Variants in ELN observed in about 807,000 individuals in gnomAD.
The protein encoded by ELN is tropoelastin.
Under a neutral mutation model 105.8 loss-of-function variants are expected in ELN, and 65 were observed. The ratio of observed to expected loss-of-function variants is 0.61; its 90% CI spans 0.50 to 0.75. ELN has a LOEUF of 0.75. Ranked by LOEUF, ELN falls within the 30% of genes least tolerant of loss-of-function variation. ELN has a pLI of 0.00. For missense variants in ELN, 882 were observed against 969.4 expected (o/e 0.91, Z 1.20); for synonymous variants, 368 against 389.2 (o/e 0.95, Z 0.64).
Position 74,060,453 on chromosome 7 carries a change from G to T in ELN, c.1699G>T (p.Gly567Cys). The change falls in exon 25 of 33, where the codon GGT becomes TGT. Residue 567 changes from glycine to cysteine, a missense_variant. Gly to Cys is a radical substitution (Grantham distance 159, BLOSUM62 -3). Coordinates refer to ENST00000252034, the MANE Select transcript of ELN (RefSeq NM_000501.4). ...VGVPGLGVGA[G>C]VPGLGVGAGV... ...CGTCCCTGGACTTGGAGTTGGTGCT[G>T]GTGTTCCTGGACTTGGAGTTGGTGC... The T allele has an allele frequency of 6.2e-7, 1 of 1,613,784 alleles. No individual in the cohort carries two copies. Among genetic ancestry groups the T allele is most frequent in the Non-Finnish European group, 8.5e-7 (1 of 1,179,968 alleles).
chr7:74,030,228 C>T (rs1416725219), intron 1 of ELN, among the ~76,000 whole-genome samples: 3 of 152,198 alleles, frequency 2.0e-5, no homozygotes, highest in South Asian at 2.1e-4. Flanking sequence ...GGGAGTGGAG[C>T]GCTCAGTCAC....
rs1238838663 is a variant in ELN at position 74,046,062 on chromosome 7, T to G, written c.542-126T>G. 185 of 1,322,554 alleles carry G rather than the reference T, an allele frequency of 1.4e-4. 1 individual carries two copies. In the South Asian group the frequency reaches 1.9e-3, roughly 14 times the overall value. The allele number at this position is 1,322,554 out of a possible 1,614,324, so 81.9% of individuals were successfully genotyped here. On this transcript the variant is annotated intron_variant, in intron 10 of 32. Transcript: ENST00000252034. ...GAAAAAAGAAACCCCAGAGTTCATGTGAGCGCAGCATGCGATGACTGGTCT... is the reference window on the plus strand; with the variant it reads ...GAAAAAAGAAACCCCAGAGTTCATGGGAGCGCAGCATGCGATGACTGGTCT...
At chr7:74,066,623 G>A (rs1373044000) in intron 31 of ELN, 109 bp from the exon 32 acceptor site, 72 of 940,698 alleles carry the variant, frequency 7.7e-5, no homozygotes, top group Non-Finnish European at 1.2e-4. Flanking sequence ...GGATGGAGAG[G>A]AGGTGATCCC....
At position 74,042,630 on chromosome 7, in the gene ELN, C is replaced by G. The variant is rs565001805; in HGVS notation, c.249C>G (p.Pro83=). 1.2e-6 allele frequency: 2 copies of G among 1,613,436 alleles called. No homozygotes were observed. The highest frequency in any genetic ancestry group is 3.3e-5 in the Admixed American group (2 of 60,006). Residue 83 remains proline (P), a synonymous_variant, in exon 6 of 33, where the codon CCC becomes CCG. Coordinates refer to ENST00000252034, the MANE Select transcript of ELN (RefSeq NM_000501.4). ...CCTCCGCAGGGCTCGGCGCCTTCCCCGCAGTTACCTTTCCGGGGGCTCTGG... is the reference window on the plus strand; with the variant it reads ...CCTCCGCAGGGCTCGGCGCCTTCCCGGCAGTTACCTTTCCGGGGGCTCTGG... The part of the protein sequence containing the change: ...AGLGAGLGAF[P]AVTFPGALVP...
chr7:74,043,186 G>A lies in ELN; in HGVS notation c.427+18G>A. ...AGTGCCGGGTCAGTGCGGAATCCCT[G>A]GGGCTGGAGGACAGAGGGCAGGGAG... On this transcript the variant is annotated intron_variant, in intron 8 of 32. Coordinates refer to ENST00000252034, the MANE Select transcript of ELN (RefSeq NM_000501.4). The A allele has an allele frequency of 1.9e-6, 3 of 1,576,368 alleles. No individual in the cohort carries two copies. Among genetic ancestry groups the A allele is most frequent in the Non-Finnish European group, 2.6e-6 (3 of 1,160,742 alleles).
chr7:74,065,665 C>T (rs370615403), intron 29 of ELN, 29 bp from the exon 30 acceptor site: 58 of 1,613,166 alleles, frequency 3.6e-5, no homozygotes, highest in Non-Finnish European at 4.7e-5. Flanking sequence ...ATTGGCATTC[C>T]TGAGCCGTCA....
In ELN at chr7:74,052,836, GGAGA is replaced by G. The variant is rs1210543269; in HGVS notation, c.950-317_950-314del. On this transcript the variant is annotated intron_variant, in intron 17 of 32. Transcript: ENST00000252034. ...AAGGAAAAAGAAAAGAGGGAGGGAG[GGAGA>G]GAGAGAGAGGGAGGGAGAGAGAAAG... 172 of 329,408 alleles carry G rather than the reference GGAGA, an allele frequency of 5.2e-4. 1 individual carries two copies. Among genetic ancestry groups the G allele is most frequent in the South Asian group, 4.1e-3 (118 of 28,460 alleles). 20.4% of individuals were successfully genotyped at this position (329,408 alleles called of 1,614,324 possible).
chr7:74,053,529 G>T (rs553851986), intron 18 of ELN, among the ~76,000 whole-genome samples: 2 of 152,176 alleles, frequency 1.3e-5, no homozygotes, highest in Non-Finnish European at 2.9e-5. Context: ...TTGACCTTCT[G>T]GCTATCAGTG....
chr7:74,030,854 G>A (rs1184057271), intron 1 of ELN, among the ~76,000 whole-genome samples: 8 of 152,066 alleles, frequency 5.3e-5, no homozygotes, highest in South Asian at 2.1e-4. Flanking sequence ...CGGTGGGGTC[G>A]CCAGGGCCAA....
chr7:74,042,055 T>C (rs1774027392), intron 5 of ELN, among the ~76,000 whole-genome samples: 1 of 144,994 alleles, frequency 6.9e-6, no homozygotes, highest in Non-Finnish European at 1.5e-5. Flanking sequence ...ACCCCATCTC[T>C]AAAGGGAAAA....
At position 74,063,175 on chromosome 7, in the gene ELN, T is replaced by G; in HGVS notation, c.1809T>G (p.Leu603=). The G allele has an allele frequency of 6.2e-7, 1 of 1,608,766 alleles. No homozygotes were observed. Among genetic ancestry groups the G allele is most frequent in the Non-Finnish European group, 8.5e-7 (1 of 1,178,634 alleles). Residue 603 remains leucine (L), a synonymous_variant, in exon 27 of 33, where the codon CTT becomes CTG. Transcript: ENST00000252034. This position sits in a 1 kb window ranked among gnomAD's most constrained non-coding sequence, Gnocchi z 4.1. ...CAGGAGCAGCAGTGCCTGGGGTCCT[T>G]GGAGGGCTCGGGGCTCTCGGTGGAG... is the stretch of plus-strand genomic sequence containing the variant. ...AKYGAAVPGV[L]GGLGALGGVG... is the part of the protein sequence containing the mutation.
At chr7:74,053,343 TG>T in intron 18 of ELN, 34 bp downstream of exon 18, 1 of 1,603,360 alleles carries the variant, frequency 6.2e-7, no homozygotes. Flanking sequence ...TGTGTGTGTG[TG>T]TGTGTGTGTG....
chr7:74,035,261 T>C, intron 1 of ELN, 103 bp from the exon 2 acceptor site: 1 of 1,081,802 alleles, frequency 9.2e-7, no homozygotes, highest in Non-Finnish European at 1.4e-6. Context: ...TCCATGTAAT[T>C]GTGGGTTTTG....
At position 74,069,134 on chromosome 7, in the gene ELN, C is replaced by G. The variant is rs1798590406; in HGVS notation, c.*434C>G. The G allele has an allele frequency of 3.3e-6, 1 of 303,220 alleles. No homozygotes were observed. Among genetic ancestry groups the G allele is most frequent in the Non-Finnish European group, 6.3e-6 (1 of 158,852 alleles). The allele number at this position is 303,220 out of a possible 1,614,324, so 18.8% of individuals were successfully genotyped here. A position where few individuals can be genotyped will look rare whatever the true frequency, so the allele number is the denominator to read the frequency against. On this transcript the variant is annotated 3_prime_UTR_variant, in exon 33 of 33. Coordinates refer to ENST00000252034, the MANE Select transcript of ELN (RefSeq NM_000501.4). Reference sequence around the variant, plus strand: ...GGCAGTCCCAGCTCCCCCTGCCCACCAGGACCCACCGTTGGCTGCCATCCA... The same window carrying G: ...GGCAGTCCCAGCTCCCCCTGCCCACGAGGACCCACCGTTGGCTGCCATCCA...
intron 15 of ELN, among the ~76,000 whole-genome samples, chr7:74,049,264 A>C (rs1793325676): frequency 1.3e-5 from 2 of 150,136 alleles, no homozygotes; most frequent in South Asian, 2.1e-4. Context: ...CCATCCATCC[A>C]TCCACTTATC....
intron 32 of ELN, among the ~76,000 whole-genome samples, chr7:74,068,271 T>C (rs1798416144): frequency 6.6e-6 from 1 of 152,180 alleles, no homozygotes; most frequent in African/African-American, 2.4e-5. Context: ...CCCCACTCCC[T>C]GAGAGGGCCG....
At position 74,035,408 on chromosome 7, in the gene ELN, T is replaced by C. The variant is rs781876912; in HGVS notation, c.127T>C (p.Tyr43His). ...TGGTGGAGTTCCTGGAGGAGTCTTT[T>C]ATCCAGGTAACGTACATGAAACTTC... ...IPGGVPGGVF[Y>H]PGAGLGALGG... is the part of the protein sequence containing the mutation. Residue 43 changes from tyrosine to histidine, a missense_variant, in exon 2 of 33, where the codon TAT becomes CAT. Physicochemically the swap from Tyr to His is moderately conservative, Grantham distance 83. Transcript: ENST00000252034. 2.8e-5 allele frequency: 46 copies of C among 1,614,174 alleles called. 1 individual carries two copies. The South Asian group carries it at 4.9e-4, about 17-fold the overall frequency.
intron 25 of ELN, 116 bp from the exon 26 acceptor site, chr7:74,060,985 C>G: frequency 7.9e-7 from 1 of 1,262,120 alleles, no homozygotes; most frequent in South Asian, 1.2e-5. Flanking sequence ...AGCTTCAGGG[C>G]TTTGAGGAAG....
At chr7:74,056,582 T>C in intron 20 of ELN, 90 bp from the exon 21 acceptor site, 1 of 1,607,674 alleles carries the variant, frequency 6.2e-7, no homozygotes, top group Non-Finnish European at 8.5e-7. Context: ...GTCGTATCCA[T>C]GCCTTACAGG....
Sources: gnomAD v4.1 joint callset for allele counts (sites outside exome capture counted in the v4.1 genomes callset) on GRCh38, gnomAD v4.1.1 for gene constraint, Gnocchi (gnomAD v3.1) non-coding constraint, MANE v1.5 for transcripts, NCBI Gene and HGNC (gene_info 2026-07-23, HGNC 2026-07-21) for gene names.